RORA: variants seen among roughly 807,000 people sequenced by gnomAD.
RORA encodes nuclear receptor ROR-alpha.
RORA carries 7 observed loss-of-function variants against 69.5 expected under a neutral mutation model. The observed-to-expected ratio is 0.10, with a 90% CI of 0.06 to 0.19. The LOEUF (loss-of-function observed/expected upper bound fraction) is 0.19. Among genes scored for constraint, RORA ranks in the 10% least tolerant of loss-of-function variants. The pLI, the probability that RORA is intolerant of heterozygous loss-of-function variation, is 1.00. For synonymous variants in RORA, 261 were observed against 240.8 expected, an observed-to-expected ratio of 1.08 and a Z score of -0.78; for missense variants, 457 against 663.0, an observed-to-expected ratio of 0.69 and a Z score of 3.41.
intron 2 of RORA, among the ~76,000 whole-genome samples, chr15:60,547,410 A>G (rs1224602538): frequency 7.2e-6 from 1 of 139,466 alleles, no homozygotes; most frequent in East Asian, 2.1e-4. Context: ...TGCAACCTCC[A>G]CCTCCCCCAG....
At chr15:60,913,181 C>T (rs1595812456) in intron 1 of RORA, among the ~76,000 whole-genome samples, 1 of 152,278 alleles carries the variant, frequency 6.6e-6, no homozygotes, top group Non-Finnish European at 1.5e-5. Flanking sequence ...TGATTATGTG[C>T]TGGGATTCAG....
chr15:61,164,019 C>A (rs543433289), intron 1 of RORA, among the ~76,000 whole-genome samples: 1 of 152,224 alleles, frequency 6.6e-6, no homozygotes, highest in East Asian at 1.9e-4. Context: ...ACCTATGCAA[C>A]CAAAAAACCC....
chr15:61,111,999 T>C (rs184839389), intron 1 of RORA, among the ~76,000 whole-genome samples: 1 of 152,286 alleles, frequency 6.6e-6, no homozygotes, highest in East Asian at 1.9e-4. Context: ...GGAGGTTGGG[T>C]TCACTGAATT....
intron 1 of RORA, among the ~76,000 whole-genome samples, chr15:61,118,674 G>A (rs892096560): frequency 6.6e-6 from 1 of 152,092 alleles, no homozygotes; most frequent in Non-Finnish European, 1.5e-5. Context: ...GGAGCCGGAC[G>A]GCAATGGTGG....
chr15:60,814,548 A>T (rs1263715090), intron 1 of RORA, among the ~76,000 whole-genome samples: 1 of 152,140 alleles, frequency 6.6e-6, no homozygotes, highest in Non-Finnish European at 1.5e-5. Context: ...AGTCCCCGGG[A>T]TATTTTTTCC....
intron 1 of RORA, among the ~76,000 whole-genome samples, chr15:61,092,374 G>A (rs887620502): frequency 7.9e-5 from 12 of 152,192 alleles, no homozygotes; most frequent in African/African-American, 2.7e-4. Flanking sequence ...CCCAATGAAC[G>A]ACATTGCAGC....
Position 60,650,141 on chromosome 15 carries a change from C to T in RORA, c.196+28516G>A, listed in dbSNP as rs535116112. Reference sequence around the variant, plus strand: ...GGTATCACCAACTTCAGAATGTGAACATCGTTACTGAGAAAAAGCATTTTC... The same window carrying T: ...GGTATCACCAACTTCAGAATGTGAATATCGTTACTGAGAAAAAGCATTTTC... On this transcript the variant is annotated intron_variant, in intron 2 of 10. Transcript: ENST00000335670. Among the ~76,000 whole-genome samples the T allele has an allele frequency of 2.6e-5, 4 of 151,708 alleles. No individual in the cohort carries two copies. The South Asian group carries it at 6.2e-4, about 24-fold the overall frequency.
chr15:61,026,806 T>C (rs1031499825), intron 1 of RORA, among the ~76,000 whole-genome samples: 1 of 152,226 alleles, frequency 6.6e-6, no homozygotes, highest in African/African-American at 2.4e-5. Context: ...ATGGCTAATC[T>C]TTTGTTCTGG....
chr15:60,930,013 G>A (rs1432535354), intron 1 of RORA, among the ~76,000 whole-genome samples: 1 of 152,170 alleles, frequency 6.6e-6, no homozygotes, highest in African/African-American at 2.4e-5. Flanking sequence ...CTCTATTTGT[G>A]TTACTTAATA....
intron 1 of RORA, among the ~76,000 whole-genome samples, chr15:60,878,783 C>G (rs1427782863): frequency 6.6e-6 from 1 of 152,234 alleles, no homozygotes; most frequent in Non-Finnish European, 1.5e-5. Flanking sequence ...TAAATTATGT[C>G]TGAGGTAATG....
intron 4 of RORA, among the ~76,000 whole-genome samples, chr15:60,513,920 C>T (rs888880180): frequency 6.6e-6 from 1 of 152,212 alleles, no homozygotes; most frequent in Non-Finnish European, 1.5e-5. Context: ...AAAATGGACC[C>T]GCTGTGCTTT....
At chr15:61,082,032 C>G (rs2078550109) in intron 1 of RORA, among the ~76,000 whole-genome samples, 1 of 152,166 alleles carries the variant, frequency 6.6e-6, no homozygotes, top group Non-Finnish European at 1.5e-5. Flanking sequence ...GGATACTACA[C>G]AGTCACCTCA....
At chr15:60,843,427 G>C (rs2073226095) in intron 1 of RORA, among the ~76,000 whole-genome samples, 3 of 152,112 alleles carry the variant, frequency 2.0e-5, no homozygotes, top group Admixed American at 2.0e-4. Flanking sequence ...GTATCAGAGT[G>C]GTAGAGCCCA....
chr15:61,055,302 T>C (rs1263451070), intron 1 of RORA, among the ~76,000 whole-genome samples: 2 of 152,194 alleles, frequency 1.3e-5, no homozygotes, highest in African/African-American at 2.4e-5. Flanking sequence ...TGAGGGCTGC[T>C]TTTCATTCAG....
At chr15:61,218,196 T>G (rs1333270414) in intron 1 of RORA, among the ~76,000 whole-genome samples, 2 of 152,040 alleles carry the variant, frequency 1.3e-5, no homozygotes, top group Non-Finnish European at 2.9e-5. Flanking sequence ...TGTGTGTGTG[T>G]GTGTGTGTGT....
chr15:60,592,281 A>G, intron 2 of RORA: 1 of 749,892 alleles, frequency 1.3e-6, no homozygotes, highest in Non-Finnish European at 1.8e-6. Flanking sequence ...AGCCCCGGGC[A>G]GTACGTGCGT....
chr15:61,190,444 A>G (rs2079786724), intron 1 of RORA, among the ~76,000 whole-genome samples: 1 of 152,228 alleles, frequency 6.6e-6, no homozygotes, highest in Admixed American at 6.5e-5. Flanking sequence ...AAATAAAATC[A>G]TGAGATAGAT....
At chr15:60,625,847 C>A (rs58113229) in intron 2 of RORA, among the ~76,000 whole-genome samples, 70,825 of 152,128 alleles carry the variant, frequency 0.47, 16,467 homozygotes, top group East Asian at 0.52. Flanking sequence ...ACTTTACATC[C>A]TTTCGTACCT....
chr15:61,172,628 G>T (rs898427313), intron 1 of RORA, among the ~76,000 whole-genome samples: 1 of 152,142 alleles, frequency 6.6e-6, no homozygotes, highest in Non-Finnish European at 1.5e-5. Flanking sequence ...CCAATTCAGA[G>T]ACTGCTTATC....
Sources: gnomAD v4.1 joint callset for allele counts (sites outside exome capture counted in the v4.1 genomes callset) on GRCh38, gnomAD v4.1.1 for gene constraint, MANE v1.5 for transcripts, NCBI Gene and HGNC (gene_info 2026-07-23, HGNC 2026-07-21) for gene names.